ARSF: variants seen among roughly 807,000 people sequenced by gnomAD.
The protein encoded by ARSF is arylsulfatase F.
In ARSF, 33 loss-of-function variants were observed where a neutral mutation model predicts 35.4. That is an observed-to-expected ratio of 0.93 (90% CI 0.71 to 1.25). ARSF has a LOEUF of 1.25. Among genes scored for constraint, ARSF ranks in the 50% most tolerant of loss-of-function variants. The pLI, the probability that ARSF is intolerant of heterozygous loss-of-function variation, is 0.00. For missense variants in ARSF, 501 were observed against 480.2 expected, an observed-to-expected ratio of 1.04 and a Z score of -0.40; for synonymous variants, 222 against 193.1, an observed-to-expected ratio of 1.15 and a Z score of -1.24.
At chrX:3,072,438 T>C (rs1015711062) in intron 3 of ARSF, among the ~76,000 whole-genome samples, 3 of 111,533 alleles carry the variant, frequency 2.7e-5, no homozygotes, top group Non-Finnish European at 3.8e-5. Flanking sequence ...ACAGTGAGGT[T>C]TGGATACATA....
At position 3,088,491 on chromosome X, in the gene ARSF, G is replaced by A. The variant is rs143963299; in HGVS notation, c.831-1005G>A. 6.5e-3 allele frequency among the ~76,000 whole-genome samples: 725 copies of A among 111,555 alleles called. 3 individuals are homozygous for A. Among genetic ancestry groups the A allele is most frequent in the African/African-American group, 0.022 (678 of 30,805 alleles). On this transcript the variant is annotated intron_variant, in intron 6 of 10. Coordinates refer to ENST00000381127, the MANE Select transcript of ARSF (RefSeq NM_001201539.2). ...AACATACCAATACACTGAGGCAGCA[G>A]GGTTTATGGCAGAGAAAGGTTTAAT...
chrX:3,080,006 A>G (rs868711910), intron 4 of ARSF, among the ~76,000 whole-genome samples: 82 of 101,062 alleles, frequency 8.1e-4, no homozygotes, highest in African/African-American at 2.1e-3. Context: ...AGAGAGAGAA[A>G]AAAAAAAAAG....
intron 1 of ARSF, among the ~76,000 whole-genome samples, chrX:3,045,675 C>T (rs1000513766): frequency 2.8e-5 from 3 of 108,073 alleles, no homozygotes; most frequent in Admixed American, 1.0e-4. Flanking sequence ...CCTGCCTCAG[C>T]CTCCTGAGTA....
At chrX:3,107,031 C>T (rs1244613927) in intron 9 of ARSF, among the ~76,000 whole-genome samples, 1 of 111,866 alleles carries the variant, frequency 8.9e-6, no homozygotes, top group Non-Finnish European at 1.9e-5. Flanking sequence ...CTAGATTACT[C>T]ATAATACCTA....
chrX:3,047,662 C>G (rs936153589), intron 1 of ARSF, among the ~76,000 whole-genome samples: 1 of 109,908 alleles, frequency 9.1e-6, no homozygotes, highest in African/African-American at 3.3e-5. Flanking sequence ...GTCTGTTTAT[C>G]CTGAAAAGGG....
chrX:3,040,659 CT>C (rs1431444018), upstream of ARSF, among the ~76,000 whole-genome samples: 3 of 110,916 alleles, frequency 2.7e-5, no homozygotes, highest in Admixed American at 9.7e-5. Context: ...AAAACCACCC[CT>C]GGGTGGTAGG....
intron 3 of ARSF, among the ~76,000 whole-genome samples, chrX:3,075,539 C>T (rs1295096139): frequency 2.0e-5 from 2 of 100,460 alleles, no homozygotes; most frequent in African/African-American, 3.7e-5. Flanking sequence ...TCTTTGTCTG[C>T]CTGTCTCTCT....
rs1016257775 is a variant in ARSF at position 3,103,405 on chromosome X, G to T, written c.1103-357G>T. 4.5e-5 allele frequency among the ~76,000 whole-genome samples: 5 copies of T among 110,463 alleles called. No homozygotes were observed. In the Admixed American group the frequency reaches 4.8e-4, roughly 11 times the overall value. On this transcript the variant is annotated intron_variant, in intron 8 of 10. Transcript: ENST00000381127. ...CCATAAAATTGGGGGCTGGATACAA[G>T]AAAAATATTAATTAAAAAAAATATA...
rs185285089 is a variant in ARSF, at chrX:3,108,374, G to A, written c.1266-1754G>A. Among the ~76,000 whole-genome samples, 63 of 111,920 alleles carry A rather than the reference G, an allele frequency of 5.6e-4. 1 individual carries two copies. Among genetic ancestry groups the A allele is most frequent in the African/African-American group, 1.9e-3 (60 of 30,893 alleles). Reference sequence around the variant, plus strand: ...TGATTGAGATTGCTTTAAATCTATAGATCAATTTGCAGAAAATTGATGTCT... The same window carrying A: ...TGATTGAGATTGCTTTAAATCTATAAATCAATTTGCAGAAAATTGATGTCT... On this transcript the variant is annotated intron_variant, in intron 9 of 10. Transcript: ENST00000381127.
At chrX:3,043,564 C>T (rs7473034) in intron 1 of ARSF, among the ~76,000 whole-genome samples, 4,112 of 111,238 alleles carry the variant, frequency 0.037, 180 homozygotes, top group African/African-American at 0.13. Context: ...AGGGGTTCCA[C>T]TTCTGCTGCA....
intron 1 of ARSF, among the ~76,000 whole-genome samples, chrX:3,064,891 G>A (rs1454114077): frequency 1.8e-5 from 2 of 111,703 alleles, no homozygotes; most frequent in Non-Finnish European, 3.8e-5. Context: ...GGAAGACAGT[G>A]TGGCAATTCC....
chrX:3,051,039 G>A (rs962414388), intron 1 of ARSF, among the ~76,000 whole-genome samples: 9 of 111,185 alleles, frequency 8.1e-5, no homozygotes, highest in South Asian at 3.8e-4. Flanking sequence ...TTTAATAACC[G>A]CCTGATGCTC....
intron 8 of ARSF, among the ~76,000 whole-genome samples, chrX:3,102,324 C>A (rs1555923792): frequency 8.9e-6 from 1 of 111,927 alleles, no homozygotes; most frequent in Non-Finnish European, 1.9e-5. Flanking sequence ...TTATATGATT[C>A]TTATGCCTTT....
At position 3,084,359 on chromosome X, in the gene ARSF, CCGGACCCCTCT is replaced by C. The variant is rs1305789160; in HGVS notation, c.526_536del (p.Asp176Ter). 3.3e-5 allele frequency: 40 copies of C among 1,209,847 alleles called. No individual in the cohort carries two copies. The highest frequency in any genetic ancestry group is 4.1e-5 in the Non-Finnish European group (37 of 895,278). On this transcript the variant is annotated frameshift_variant, in exon 6 of 11. Transcript: ENST00000381127. LOFTEE classifies it high-confidence loss of function. ...GTTCACTCTCGTTGACAGCTGCTGGCCGGACCCCTCTCGTAACACGGAATTAGCCTTTGAGA... is the reference window on the plus strand; with the variant it reads ...GTTCACTCTCGTTGACAGCTGCTGGCCGTAACACGGAATTAGCCTTTGAGA...
intron 8 of ARSF, among the ~76,000 whole-genome samples, chrX:3,102,799 C>T (rs111999100): frequency 9.1e-6 from 1 of 110,195 alleles, no homozygotes; most frequent in Admixed American, 9.7e-5. Flanking sequence ...GTAGTCCCAG[C>T]TACTCAGGAG....
rs1401862938 is a variant in ARSF, at chrX:3,110,226, C to T, written c.1364C>T (p.Ala455Val). Residue 455 changes from alanine (A) to valine (V), a missense_variant, in exon 10 of 11, where the codon GCC becomes GTC. Ala to Val is a moderately conservative substitution (Grantham distance 64, BLOSUM62 0). Transcript: ENST00000381127. ...CACTACTGTGGCTCCTACCTGCACG[C>T]CGTGCGGTGGATCCCCAAGGACGAC... ...LFHYCGSYLH[A>V]VRWIPKDDSG... 3 of 1,192,054 alleles carry T rather than the reference C, an allele frequency of 2.5e-6. No homozygotes were observed. The highest frequency in any genetic ancestry group is 2.3e-4 in the Middle Eastern group (1 of 4,256).
chrX:3,067,510 A>C (rs915550112), intron 1 of ARSF, among the ~76,000 whole-genome samples: 1 of 111,376 alleles, frequency 9.0e-6, no homozygotes, highest in Non-Finnish European at 1.9e-5. Flanking sequence ...GCTTGGCAGG[A>C]CATTGAGACA....
chrX:3,078,778 G>A (rs780105315), intron 4 of ARSF, among the ~76,000 whole-genome samples: 9 of 111,570 alleles, frequency 8.1e-5, no homozygotes, highest in Non-Finnish European at 1.3e-4. Context: ...GGGATTTTAG[G>A]CATGAGCCAC....
intron 7 of ARSF, among the ~76,000 whole-genome samples, chrX:3,090,936 G>C (rs1237388499): frequency 9.3e-6 from 1 of 107,848 alleles, no homozygotes; most frequent in East Asian, 2.9e-4. Context: ...TTTGAGACAA[G>C]ATCTCACTCT....
Sources: gnomAD v4.1 joint callset for allele counts (sites outside exome capture counted in the v4.1 genomes callset) on GRCh38, gnomAD v4.1.1 for gene constraint, MANE v1.5 for transcripts, NCBI Gene and HGNC (gene_info 2026-07-23, HGNC 2026-07-21) for gene names.